The following JAK1 variants were observed in gnomAD, a reference collection of about 807,000 sequenced individuals.
JAK1 encodes tyrosine-protein kinase JAK1.
Under a neutral mutation model 136.6 loss-of-function variants are expected in JAK1, and 16 were observed. The observed-to-expected ratio is 0.12, with a 90% CI of 0.08 to 0.18. JAK1 has a LOEUF of 0.18. JAK1 is among the 10% of genes least tolerant of loss of function. JAK1 has a pLI of 1.00. For missense variants in JAK1, 859 were observed against 1,450.1 expected (o/e 0.59, Z 6.62); for synonymous variants, 492 against 519.5 (o/e 0.95, Z 0.72).
chr1:64,967,522 CG>C (rs908030192), upstream of JAK1, among the ~76,000 whole-genome samples: 1 of 152,184 alleles, frequency 6.6e-6, no homozygotes, highest in Non-Finnish European at 1.5e-5. Flanking sequence ...CCTCCGAGGC[CG>C]TGCACGGTCA....
intron 1 of JAK1, among the ~76,000 whole-genome samples, chr1:64,957,314 T>C (rs190100161): frequency 7.9e-5 from 12 of 152,310 alleles, no homozygotes; most frequent in African/African-American, 2.2e-4. Context: ...TAATGCATTA[T>C]AAGGCCCAAA....
intron 3 of JAK1, among the ~76,000 whole-genome samples, chr1:64,880,215 C>T (rs1186287342): frequency 6.6e-6 from 1 of 152,198 alleles, no homozygotes; most frequent in African/African-American, 2.4e-5. Flanking sequence ...CTCTCCTGAA[C>T]ACCTCAATCC....
At chr1:65,053,053 A>AAAAAAAAAAAAAAAG (rs1553185113) in intron 1 of JAK1, among the ~76,000 whole-genome samples, 1 of 133,716 alleles carries the variant, frequency 7.5e-6, no homozygotes, top group African/African-American at 2.8e-5. Context: ...AAAAAAAAAA[A>AAAAAAAAAAAAAAAG]AAAGACTAGA....
chr1:65,006,640 A>G (rs555038), intron 2 of JAK1, among the ~76,000 whole-genome samples: 33,393 of 152,038 alleles, frequency 0.22, 4,976 homozygotes, highest in African/African-American at 0.4. Context: ...ACCACACCCA[A>G]CCCAGTTTCC....
chr1:64,846,137 A>C (rs1316392894), intron 14 of JAK1, among the ~76,000 whole-genome samples: 3 of 152,222 alleles, frequency 2.0e-5, no homozygotes, highest in Non-Finnish European at 4.4e-5. Flanking sequence ...CTCTTCTTCC[A>C]AACTTACATG....
intron 2 of JAK1, among the ~76,000 whole-genome samples, chr1:65,006,802 TA>T (rs1646807357): frequency 1.3e-5 from 2 of 152,346 alleles, no homozygotes; most frequent in South Asian, 4.1e-4. Context: ...TTTATCTTCA[TA>T]ATATTTACGT....
intron 2 of JAK1, among the ~76,000 whole-genome samples, chr1:65,026,511 A>G (rs535857): frequency 0.23 from 35,002 of 152,082 alleles, 5,196 homozygotes; most frequent in African/African-American, 0.38. Context: ...CTAGTTTGTT[A>G]GCTAATCCCT....
chr1:65,004,320 A>T (rs1397712902), intron 2 of JAK1, among the ~76,000 whole-genome samples: 1 of 152,238 alleles, frequency 6.6e-6, no homozygotes, highest in Non-Finnish European at 1.5e-5. Flanking sequence ...TAAGCAAAAC[A>T]GTGCTTCTCC....
At chr1:64,973,268 G>A (rs116141202) in intron 2 of JAK1, among the ~76,000 whole-genome samples, 3,566 of 144,976 alleles carry the variant, frequency 0.025, 166 homozygotes, top group African/African-American at 0.086. Flanking sequence ...AAAGAAAGAC[G>A]GAAGGAAGGA....
intron 8 of JAK1, among the ~76,000 whole-genome samples, chr1:64,860,861 T>TGTGTG (rs58016723): frequency 1.4e-3 from 184 of 132,192 alleles, no homozygotes; most frequent in Non-Finnish European, 2.0e-3. Flanking sequence ...TGTGTGTGTG[T>TGTGTG]TGGGGGTGAC....
intron 22 of JAK1, 71 bp from the exon 23 acceptor site, chr1:64,836,286 GA>G: frequency 1.2e-6 from 1 of 854,178 alleles, no homozygotes; most frequent in South Asian, 1.4e-5. Context: ...CAGGATAACT[GA>G]AAAATCACCT....
rs576119806 is a variant in JAK1, at chr1:65,052,730, C to T, written c.-180-8148G>A. Among the ~76,000 whole-genome samples, 18 of 151,916 alleles carry T rather than the reference C, an allele frequency of 1.2e-4. No homozygotes were observed. The East Asian group carries it at 2.1e-3, about 18-fold the overall frequency. On this transcript the variant is annotated intron_variant, in intron 1 of 25. Coordinates refer to the JAK1 transcript ENST00000671954. ...TTGGGAGGCTGAGGCAGGAGAATGG[C>T]GTGAACCCGGGAGGCAGAGCTTGCA...
At chr1:64,837,558 C>T (rs1325468436) in intron 22 of JAK1, among the ~76,000 whole-genome samples, 2 of 152,240 alleles carry the variant, frequency 1.3e-5, no homozygotes, top group Non-Finnish European at 2.9e-5. Flanking sequence ...CTCTGTCCTA[C>T]AGCCTCCCTC....
chr1:64,855,746 A>T, intron 10 of JAK1, 48 bp from the exon 11 acceptor site: 4 of 1,533,242 alleles, frequency 2.6e-6, no homozygotes, highest in Non-Finnish European at 3.6e-6. Context: ...GGGGTCAGGC[A>T]TGGGTATGTA....
At position 64,984,876 on chromosome 1, in the gene JAK1, C is replaced by T; in HGVS notation, c.-78+59604G>A. The T allele has an allele frequency of 8.4e-7, 1 of 1,189,684 alleles. No individual in the cohort carries two copies. Among genetic ancestry groups the T allele is most frequent in the Non-Finnish European group, 1.3e-6 (1 of 796,950 alleles). The allele number at this position is 1,189,684 out of a possible 1,614,324, so 73.7% of individuals were successfully genotyped here. A position where few individuals can be genotyped will look rare whatever the true frequency, so the allele number is the denominator to read the frequency against. On this transcript the variant is annotated intron_variant, in intron 2 of 25. Transcript: ENST00000671954. The surrounding 1 kb of genome is among the most constrained non-coding windows in gnomAD (Gnocchi z 4.1). ...TAGGAAGTTGGAGGTCCAGGTGGAGCAGCCGGCCACTGCCATCACAGCTGG... is the reference window on the plus strand; with the variant it reads ...TAGGAAGTTGGAGGTCCAGGTGGAGTAGCCGGCCACTGCCATCACAGCTGG...
intron 1 of JAK1, among the ~76,000 whole-genome samples, chr1:64,909,761 C>A (rs1307989772): frequency 6.6e-6 from 1 of 152,028 alleles, no homozygotes; most frequent in South Asian, 2.1e-4. Context: ...GAGGTCGAGG[C>A]TGCAATGAGC....
At position 65,064,678 on chromosome 1, in the gene JAK1, TACAATTATTGTTTATC is replaced by T. The variant is rs909122703; in HGVS notation, c.-181+2910_-181+2925del. ...CAGGGTATCAGTCACCTACAAAAGT[TACAATTATTGTTTATC>T]ACAATTATTGTTTATGAGCCTCTCA... On this transcript the variant is annotated intron_variant, in intron 1 of 25. Transcript: ENST00000671954. Among the ~76,000 whole-genome samples the T allele has an allele frequency of 2.2e-4, 33 of 152,334 alleles. 1 individual carries two copies. In the East Asian group the frequency reaches 5.6e-3, roughly 26 times the overall value.
At chr1:64,880,040 C>A (rs1285887566) in intron 3 of JAK1, among the ~76,000 whole-genome samples, 1 of 152,264 alleles carries the variant, frequency 6.6e-6, no homozygotes. Flanking sequence ...TGACAAAAAA[C>A]CTGGGAGAAT....
intron 3 of JAK1, among the ~76,000 whole-genome samples, chr1:64,882,109 T>C (rs1326832228): frequency 6.6e-6 from 1 of 152,170 alleles, no homozygotes; most frequent in Admixed American, 6.5e-5. Context: ...TCTATACACC[T>C]CAGCCCATTT....
Sources: gnomAD v4.1 joint callset for allele counts (sites outside exome capture counted in the v4.1 genomes callset) on GRCh38, gnomAD v4.1.1 for gene constraint, Gnocchi (gnomAD v3.1) non-coding constraint, MANE v1.5 for transcripts, NCBI Gene and HGNC (gene_info 2026-07-23, HGNC 2026-07-21) for gene names.